The following CENPF variants were observed in gnomAD, a reference collection of about 807,000 sequenced individuals.
CENPF encodes the protein AH antigen.
In CENPF, 214 loss-of-function variants were observed where a neutral mutation model predicts 307.3. That is an observed-to-expected ratio of 0.70 (90% CI 0.62 to 0.78). The LOEUF (loss-of-function observed/expected upper bound fraction) is 0.78. Ranked by LOEUF, CENPF falls within the 30% of genes least tolerant of loss-of-function variation. The pLI is 0.00. For synonymous variants in CENPF, 1,259 were observed against 1,270.6 expected (o/e 0.99, Z 0.19); for missense variants, 3,401 against 3,483.9 (o/e 0.98, Z 0.60).
chr1:214,625,106 T>C (rs1657615849), intron 7 of CENPF, among the ~76,000 whole-genome samples: 1 of 152,210 alleles, frequency 6.6e-6, no homozygotes, highest in Non-Finnish European at 1.5e-5. Context: ...CCTTTGATTG[T>C]TAGCATGATG....
At chr1:214,613,317 C>G (rs866160319) in intron 1 of CENPF, 5 of 253,690 alleles carry the variant, frequency 2.0e-5, no homozygotes, top group Non-Finnish European at 3.9e-5. Flanking sequence ...CACCTCCTAC[C>G]TTTTTCTGGC....
At position 214,632,458 on chromosome 1, in the gene CENPF, TG is replaced by T. The variant is rs1292086546; in HGVS notation, c.1324-20del. On this transcript the variant is annotated intron_variant, in intron 9 of 19. Coordinates refer to ENST00000366955, the MANE Select transcript of CENPF (RefSeq NM_016343.4). ...AAGTAAAGAACATGAAAATGAAACT[TG>T]GTCTCTTTTTCTTTTTGTAGCTCAC... is the stretch of plus-strand genomic sequence containing the variant. 4 of 1,603,276 alleles carry T rather than the reference TG, an allele frequency of 2.5e-6. No homozygotes were observed. In the East Asian group the frequency reaches 8.9e-5, roughly 36 times the overall value.
chr1:214,615,006 A>G lies in CENPF; in HGVS notation c.337A>G (p.Lys113Glu). 1.9e-6 allele frequency: 3 copies of G among 1,602,240 alleles called. No individual in the cohort carries two copies. Among genetic ancestry groups the G allele is most frequent in the Non-Finnish European group, 2.6e-6 (3 of 1,175,918 alleles). ...GAATTCAGGCAAAAAACAAATAGAA[A>G]AACTGGAACAGGAACTTAAAAGGTA... is the stretch of plus-strand genomic sequence containing the variant. The part of the protein sequence containing the change: ...QLNSGKKQIE[K>E]LEQELKRCKS... The change falls in exon 3 of 20, where the codon AAA becomes GAA. Residue 113 changes from lysine to glutamate, a missense_variant. By Grantham distance (56) the Lys-to-Glu change is moderately conservative. Coordinates refer to ENST00000366955, the MANE Select transcript of CENPF (RefSeq NM_016343.4).
chr1:214,644,660 A>G lies in CENPF; in HGVS notation c.5090A>G (p.Asp1697Gly), dbSNP rs1658229717. The part of the protein sequence containing the change: ...KHDVHQICDK[D>G]AQQDLNLDIE... ...GATGTTCATCAGATTTGTGATAAAGATGCTCAGCAGGACCTCAATCTAGAC... is the reference window on the plus strand; with the variant it reads ...GATGTTCATCAGATTTGTGATAAAGGTGCTCAGCAGGACCTCAATCTAGAC... Residue 1697 changes from aspartate to glycine, a missense_variant, in exon 13 of 20, where the codon GAT becomes GGT. Physicochemically the swap from Asp to Gly is moderately conservative, Grantham distance 94. Coordinates refer to ENST00000366955, the MANE Select transcript of CENPF (RefSeq NM_016343.4). 4 of 1,613,992 alleles carry G rather than the reference A, an allele frequency of 2.5e-6. No homozygotes were observed. The highest frequency in any genetic ancestry group is 3.4e-6 in the Non-Finnish European group (4 of 1,179,996).
At chr1:214,662,005 C>T (rs766406249) in intron 19 of CENPF, among the ~76,000 whole-genome samples, 1 of 151,998 alleles carries the variant, frequency 6.6e-6, no homozygotes, top group African/African-American at 2.4e-5. Context: ...GGGTCAAATC[C>T]ACAGTTTAAA....
intron 12 of CENPF, among the ~76,000 whole-genome samples, chr1:214,643,928 A>G (rs1397868746): frequency 6.6e-6 from 1 of 152,216 alleles, no homozygotes; most frequent in African/African-American, 2.4e-5. Context: ...TTAATTAATA[A>G]TGCTATATAG....
intron 13 of CENPF, among the ~76,000 whole-genome samples, chr1:214,648,303 G>A (rs1658367670): frequency 6.6e-6 from 1 of 152,148 alleles, no homozygotes; most frequent in Non-Finnish European, 1.5e-5. Context: ...TTGCAGATTA[G>A]TATGGCACTG....
In CENPF at chr1:214,641,542, A is replaced by G; in HGVS notation, c.3204A>G (p.Lys1068=). 1.3e-6 allele frequency: 2 copies of G among 1,517,294 alleles called. No homozygotes were observed. The highest frequency in any genetic ancestry group is 1.8e-6 in the Non-Finnish European group (2 of 1,138,062). The allele number at this position is 1,517,294 out of a possible 1,614,324, so 94.0% of individuals were successfully genotyped here. Residue 1068 remains lysine (K), a synonymous_variant, in exon 12 of 20, where the codon AAA becomes AAG. Transcript: ENST00000366955. ...GCACTAGTCTTTGTGAAAATAGGAA[A>G]AATGAGTTGGAACAGCTAAAGGAAG... The part of the protein sequence containing the change: ...NECTSLCENR[K]NELEQLKEAF...
chr1:214,636,827 A>G (rs959568245), intron 10 of CENPF, among the ~76,000 whole-genome samples: 2 of 152,144 alleles, frequency 1.3e-5, no homozygotes, highest in African/African-American at 4.8e-5. Context: ...TTAGCTTTAT[A>G]TGATTTTTCC....
In CENPF at chr1:214,645,296, C is replaced by G. The variant is rs763314217; in HGVS notation, c.5726C>G (p.Ser1909Trp). Residue 1909 changes from serine to tryptophan, a missense_variant, in exon 13 of 20, where the codon TCG becomes TGG. Physicochemically the swap from Ser to Trp is radical, Grantham distance 177. Transcript: ENST00000366955. The stretch of plus-strand genomic sequence containing the variant: ...GAAAATGAGCTGAGTAGGATCAGAT[C>G]GGAGAAAGCTAGCATTGAGCATGAA... ...DVENELSRIRSEKASIEHEAL... is the reference protein window; with the variant it reads ...DVENELSRIRWEKASIEHEAL... 1.3e-5 allele frequency: 21 copies of G among 1,613,884 alleles called. No homozygotes were observed. Among genetic ancestry groups the G allele is most frequent in the Non-Finnish European group, 1.6e-5 (19 of 1,180,002 alleles).
At chr1:214,636,082 T>C (rs1657958708) in intron 10 of CENPF, among the ~76,000 whole-genome samples, 2 of 152,334 alleles carry the variant, frequency 1.3e-5, no homozygotes, top group South Asian at 4.1e-4. Context: ...CTCTTCTATG[T>C]TGACCTCATT....
intron 3 of CENPF, among the ~76,000 whole-genome samples, chr1:214,616,083 G>C (rs1004775905): frequency 1.3e-5 from 2 of 152,092 alleles, no homozygotes; most frequent in African/African-American, 4.8e-5. Context: ...GAACCGTTTG[G>C]AATGTTTGTT....
chr1:214,663,618 G>A lies in CENPF; in HGVS notation c.9169G>A (p.Asp3057Asn). The stretch of plus-strand genomic sequence containing the variant: ...CAAAGTTGCTCAGCGGAGCCCAGTA[G>A]ATTCAGGCACCATCCTCCGAGAACC... ...KVKVAQRSPV[D>N]SGTILREPTT... The change falls in exon 20 of 20, where the codon GAT becomes AAT. Residue 3057 changes from aspartate to asparagine, a missense_variant. By Grantham distance (23) the Asp-to-Asn change is conservative. Transcript: ENST00000366955. 1 of 1,614,136 alleles carries A rather than the reference G, an allele frequency of 6.2e-7. No homozygotes were observed. Among genetic ancestry groups the A allele is most frequent in the Non-Finnish European group, 8.5e-7 (1 of 1,180,036 alleles).
chr1:214,649,858 A>G (rs985988461), intron 14 of CENPF, among the ~76,000 whole-genome samples: 1 of 152,196 alleles, frequency 6.6e-6, no homozygotes, highest in Non-Finnish European at 1.5e-5. Context: ...TGAGTGTGTT[A>G]GTTTGCATTG....
Position 214,659,979 on chromosome 1 carries a change from TG to T in CENPF, c.9141+952del, listed in dbSNP as rs1412079530. On this transcript the variant is annotated intron_variant, in intron 19 of 19. Coordinates refer to ENST00000366955, the MANE Select transcript of CENPF (RefSeq NM_016343.4). This position sits in a 1 kb window ranked among gnomAD's most constrained non-coding sequence, Gnocchi z 4.4. The stretch of plus-strand genomic sequence containing the variant: ...AACCTTGAACCAGAAAACAAAGCTT[TG>T]AAAGTGTAATAACCCCTATTTGTGT... Among the ~76,000 whole-genome samples, 1 of 152,146 alleles carries T rather than the reference TG, an allele frequency of 6.6e-6. No individual in the cohort carries two copies. The highest frequency in any genetic ancestry group is 1.5e-5 in the Non-Finnish European group (1 of 68,020).
At chr1:214,632,939 A>C (rs1248187506) in intron 10 of CENPF, among the ~76,000 whole-genome samples, 2 of 152,222 alleles carry the variant, frequency 1.3e-5, no homozygotes, top group Non-Finnish European at 2.9e-5. Flanking sequence ...AAGATGGGAA[A>C]GGAAGGAAGG....
intron 1 of CENPF, among the ~76,000 whole-genome samples, chr1:214,609,737 C>T (rs1447718085): frequency 6.6e-6 from 1 of 152,146 alleles, no homozygotes; most frequent in African/African-American, 2.4e-5. Flanking sequence ...CTTCCTCCTC[C>T]AACTCTCCAC....
intron 6 of CENPF, 116 bp downstream of exon 6, chr1:214,621,062 T>C: frequency 5.7e-6 from 5 of 879,850 alleles, no homozygotes; most frequent in Non-Finnish European, 8.8e-6. Flanking sequence ...ACATCGGTGT[T>C]CAACATCCTA....
Position 214,657,060 on chromosome 1 carries a change from T to G in CENPF, c.8613T>G (p.His2871Gln), listed in dbSNP as rs1658654193. 1 of 1,614,086 alleles carries G rather than the reference T, an allele frequency of 6.2e-7. No individual in the cohort carries two copies. The highest frequency in any genetic ancestry group is 8.5e-7 in the Non-Finnish European group (1 of 1,179,994). ...LDKYCSLLIS[H>Q]EKLEKAKEML... ...AGTACTGTTCCTTGCTTATAAGCCA[T>G]GAAAAGTTAGAGAAAGCTAAAGAGA... The change falls in exon 18 of 20, where the codon CAT (histidine) becomes CAG (glutamine). Residue 2871 changes from histidine (H) to glutamine (Q), a missense_variant. By Grantham distance (24) the His-to-Gln change is conservative. Transcript: ENST00000366955.
Sources: allele counts gnomAD v4.1 joint callset (sites outside exome capture counted in the v4.1 genomes callset), GRCh38; gene constraint gnomAD v4.1.1; non-coding constraint Gnocchi (gnomAD v3.1); transcripts MANE v1.5; gene names NCBI Gene and HGNC (gene_info 2026-07-23, HGNC 2026-07-21).